ZNF737: variants seen among roughly 807,000 people sequenced by gnomAD.
ZNF737 encodes zinc finger protein 737.
In ZNF737, 13 loss-of-function variants were observed where a neutral mutation model predicts 11.7. The ratio of observed to expected loss-of-function variants is 1.11; its 90% CI spans 0.73 to 1.77. The LOEUF is 1.77. Among genes scored for constraint, ZNF737 ranks in the 40% most tolerant of loss-of-function variants. ZNF737 has a pLI of 0.00. For missense variants in ZNF737, 636 were observed against 638.0 expected, an observed-to-expected ratio of 1.00 and a Z score of 0.03; for synonymous variants, 217 against 216.2, an observed-to-expected ratio of 1.00 and a Z score of -0.03.
At position 20,547,344 on chromosome 19, in the gene ZNF737, G is replaced by C. The variant is rs1246891847; in HGVS notation, c.227-1368C>G. Among the ~76,000 whole-genome samples, 3 of 139,248 alleles carry C rather than the reference G, an allele frequency of 2.2e-5. No homozygotes were observed. In the Admixed American group the frequency reaches 2.3e-4, roughly 11 times the overall value. The allele number at this position is 139,248 out of a possible 152,430, so 91.4% of individuals were successfully genotyped here. ...TGCAGTAAGCTGAGATTGCGTCACT[G>C]CACTCCAGCCAGGGTGACACAGCGA... On this transcript the variant is annotated intron_variant, in intron 3 of 3. Coordinates refer to ENST00000427401, the MANE Select transcript of ZNF737 (RefSeq NM_001159293.2).
intron 2 of ZNF737, among the ~76,000 whole-genome samples, chr19:20,553,013 G>GA (rs34125607): frequency 9.4e-4 from 126 of 134,084 alleles, no homozygotes; most frequent in Middle Eastern, 8.4e-3. Flanking sequence ...CTCTGTCCCC[G>GA]AAAAAAAAAA....
intron 1 of ZNF737, among the ~76,000 whole-genome samples, chr19:20,564,561 A>G (rs541384596): frequency 4.6e-5 from 7 of 152,182 alleles, no homozygotes; most frequent in African/African-American, 1.4e-4. Context: ...GCTGAAGCAG[A>G]AGAATGCTTG....
At chr19:20,565,161 C>T (rs1367507345) in intron 1 of ZNF737, among the ~76,000 whole-genome samples, 5 of 152,154 alleles carry the variant, frequency 3.3e-5, no homozygotes, top group African/African-American at 7.2e-5. Flanking sequence ...TCTTGAAGTC[C>T]TGACCTCAAG....
At chr19:20,534,453 A>ATATCTATCTATCTATCTATCTATC (rs59237794), downstream of ZNF737, among the ~76,000 whole-genome samples, 2 of 144,626 alleles carry the variant, frequency 1.4e-5, 1 homozygote, top group African/African-American at 5.2e-5. Context: ...AAAAGAAAAA[A>ATATCTATCTATCTATCTATCTATC]TATCTATCTA....
chr19:20,561,418 G>A (rs1969090921), intron 1 of ZNF737, among the ~76,000 whole-genome samples: 1 of 152,112 alleles, frequency 6.6e-6, no homozygotes, highest in African/African-American at 2.4e-5. Flanking sequence ...GAGTGGGTGG[G>A]AATCCTGTGG....
downstream of ZNF737, among the ~76,000 whole-genome samples, chr19:20,535,228 A>T (rs1452419200): frequency 2.7e-4 from 41 of 152,260 alleles, no homozygotes; most frequent in African/African-American, 9.6e-4. Flanking sequence ...CAGTGAGCTG[A>T]GATTGTACCA....
intron 1 of ZNF737, 77 bp downstream of exon 1, chr19:20,565,561 A>T (rs1239338465): frequency 6.2e-7 from 1 of 1,610,058 alleles, no homozygotes; most frequent in Non-Finnish European, 8.5e-7. Context: ...CAGAGGCCTG[A>T]GTCCCGCCAC....
intron 3 of ZNF737, 34 bp from the exon 4 acceptor site, chr19:20,546,010 T>C (rs1347039816): frequency 6.6e-7 from 1 of 1,524,262 alleles, no homozygotes. Flanking sequence ...TTACTTCAAT[T>C]GGTAGACTCA....
chr19:20,542,872 A>G lies in ZNF737; in HGVS notation c.*1720T>C. The stretch of plus-strand genomic sequence containing the variant: ...AAATAAAATAACAGCATAATTTGAA[A>G]GCTGTATTACATCATTATTCAGCTT... On this transcript the variant is annotated 3_prime_UTR_variant, in exon 4 of 4. Coordinates refer to ENST00000427401, the MANE Select transcript of ZNF737 (RefSeq NM_001159293.2). 1.0e-6 allele frequency: 1 copy of G among 985,030 alleles called. No individual in the cohort carries two copies. The highest frequency in any genetic ancestry group is 1.2e-6 in the Non-Finnish European group (1 of 829,548). 61.0% of individuals were successfully genotyped at this position (985,030 alleles called of 1,614,324 possible). A position where few individuals can be genotyped will look rare whatever the true frequency, so the allele number is the denominator to read the frequency against.
Position 20,543,784 on chromosome 19 carries a change from G to C in ZNF737, c.*808C>G. On this transcript the variant is annotated 3_prime_UTR_variant, in exon 4 of 4. Transcript: ENST00000427401. ...CGTAAAAGCAATGTCACATTTTTTA[G>C]CTTTGCGGATTTCCTCTTCAACATG... The C allele has an allele frequency of 1.0e-6, 1 of 985,364 alleles. No individual in the cohort carries two copies. The highest frequency in any genetic ancestry group is 1.2e-6 in the Non-Finnish European group (1 of 829,922). The allele number at this position is 985,364 out of a possible 1,614,324, so 61.0% of individuals were successfully genotyped here.
Position 20,540,219 on chromosome 19 carries a change from G to A in ZNF737, c.*4373C>T, listed in dbSNP as rs1200821572. ...AGTCACTTACTTTCAGGCCAGCAGG[G>A]GTGTTTTTCTGTGATGTGTCTCTTT... On this transcript the variant is annotated 3_prime_UTR_variant, in exon 4 of 4. Transcript: ENST00000427401. The A allele has an allele frequency of 1.2e-5, 11 of 937,898 alleles. No individual in the cohort carries two copies. In the East Asian group the frequency reaches 9.4e-4, roughly 80 times the overall value. 58.1% of individuals were successfully genotyped at this position (937,898 alleles called of 1,614,324 possible).
chr19:20,560,241 G>C (rs1555762110), intron 1 of ZNF737, among the ~76,000 whole-genome samples: 1 of 151,794 alleles, frequency 6.6e-6, no homozygotes, highest in Admixed American at 6.6e-5. Context: ...AAGCTACTTG[G>C]GAACATGAGG....
Position 20,543,317 on chromosome 19 carries a change from T to TG in ZNF737, c.*1274dup. On this transcript the variant is annotated 3_prime_UTR_variant, in exon 4 of 4. Coordinates refer to ENST00000427401, the MANE Select transcript of ZNF737 (RefSeq NM_001159293.2). ...TTTAGGATTTTCCTCCAGTACAAAATGTGTGCAATAAGATCTGTGATACTA... is the reference window on the plus strand; with the variant it reads ...TTTAGGATTTTCCTCCAGTACAAAATGGTGTGCAATAAGATCTGTGATACTA... The TG allele has an allele frequency of 1.0e-6, 1 of 985,970 alleles. No individual in the cohort carries two copies. Among genetic ancestry groups the TG allele is most frequent in the Non-Finnish European group, 1.2e-6 (1 of 829,882 alleles). The allele number at this position is 985,970 out of a possible 1,614,324, so 61.1% of individuals were successfully genotyped here. A position where few individuals can be genotyped will look rare whatever the true frequency, so the allele number is the denominator to read the frequency against.
rs782699011 is a variant in ZNF737, at chr19:20,545,493, G to C, written c.710C>G (p.Ala237Gly). 37 of 1,613,186 alleles carry C rather than the reference G, an allele frequency of 2.3e-5. No homozygotes were observed. Among genetic ancestry groups the C allele is most frequent in the Non-Finnish European group, 2.5e-5 (29 of 1,179,770 alleles). Residue 237 changes from alanine to glycine, a missense_variant, in exon 4 of 4, where the codon GCC becomes GGC. Physicochemically the swap from Ala to Gly is moderately conservative, Grantham distance 60 (BLOSUM62 0). Coordinates refer to ENST00000427401, the MANE Select transcript of ZNF737 (RefSeq NM_001159293.2). The stretch of plus-strand genomic sequence containing the variant: ...AGTAAGGTATGAAAACCGGCTAAAG[G>C]CTTTGCCACAGTCTTCACATTTGTA... ...KRYKCEDCGKAFSRFSYLTAH... is the reference protein window; with the variant it reads ...KRYKCEDCGKGFSRFSYLTAH...
chr19:20,553,847 A>G lies in ZNF737; in HGVS notation c.4-12T>C. 2 of 1,609,998 alleles carry G rather than the reference A, an allele frequency of 1.2e-6. No homozygotes were observed. The highest frequency in any genetic ancestry group is 1.7e-6 in the Non-Finnish European group (2 of 1,179,004). ...AATTGCAATGGCCCCTGAAACACAC[A>G]CACAACATACGTTTTTACCAAGTAG... On this transcript the variant is annotated splice_polypyrimidine_tract_variant and intron_variant, in intron 1 of 3. Coordinates refer to ENST00000427401, the MANE Select transcript of ZNF737 (RefSeq NM_001159293.2).
At chr19:20,565,361 TG>T (rs1555763533) in intron 1 of ZNF737, among the ~76,000 whole-genome samples, 1 of 152,166 alleles carries the variant, frequency 6.6e-6, no homozygotes. Context: ...CTGCACATTC[TG>T]GGAGAGACGG....
Position 20,542,756 on chromosome 19 carries a change from T to C in ZNF737, c.*1836A>G, listed in dbSNP as rs1235373488. Reference sequence around the variant, plus strand: ...ACATTTTAATGTTCTTACTATTTTATAGAAAAAGTCATAATGTCCAAATAA... The same window carrying C: ...ACATTTTAATGTTCTTACTATTTTACAGAAAAAGTCATAATGTCCAAATAA... On this transcript the variant is annotated 3_prime_UTR_variant, in exon 4 of 4. Transcript: ENST00000427401. 1.0e-6 allele frequency: 1 copy of C among 984,736 alleles called. No individual in the cohort carries two copies. The highest frequency in any genetic ancestry group is 1.7e-5 in the African/African-American group (1 of 57,222). 61.0% of individuals were successfully genotyped at this position (984,736 alleles called of 1,614,324 possible).
In ZNF737 at chr19:20,545,938, G is replaced by C. The variant is rs1568428089; in HGVS notation, c.265C>G (p.Gln89Glu). The C allele has an allele frequency of 6.4e-7, 1 of 1,568,466 alleles. No individual in the cohort carries two copies. Among genetic ancestry groups the C allele is most frequent in the Non-Finnish European group, 8.6e-7 (1 of 1,162,460 alleles). The change falls in exon 4 of 4, where the codon CAG becomes GAG. Residue 89 changes from glutamine to glutamate, a missense_variant. Physicochemically the swap from Gln to Glu is conservative, Grantham distance 29. Coordinates refer to ENST00000427401, the MANE Select transcript of ZNF737 (RefSeq NM_001159293.2). ...TTTTGGAAAGAATCTTTTATGCTCT[G>C]CTCTGGCCAAAGATCTCGGGCAAAA... is the stretch of plus-strand genomic sequence containing the variant. ...SHFARDLWPE[Q>E]SIKDSFQKVT...
At chr19:20,536,806 G>C (rs1045040196), downstream of ZNF737, among the ~76,000 whole-genome samples, 12 of 152,186 alleles carry the variant, frequency 7.9e-5, no homozygotes, top group African/African-American at 2.9e-4. Context: ...AGCTGTGCAT[G>C]GTGGTGGGTG....
Sources: gnomAD v4.1 joint callset for allele counts (sites outside exome capture counted in the v4.1 genomes callset) on GRCh38, gnomAD v4.1.1 for gene constraint, MANE v1.5 for transcripts, NCBI Gene and HGNC (gene_info 2026-07-23, HGNC 2026-07-21) for gene names.